NFIC: variants seen among roughly 807,000 people sequenced by gnomAD.
The protein encoded by NFIC is nuclear factor 1 C-type.
Under a neutral mutation model 54.4 loss-of-function variants are expected in NFIC, and 12 were observed. The observed-to-expected ratio is 0.22, with a 90% CI of 0.14 to 0.36. NFIC has a LOEUF of 0.36. NFIC is among the 10% of genes least tolerant of loss of function. NFIC has a pLI of 1.00. For synonymous variants in NFIC, 322 were observed against 319.2 expected (o/e 1.01, Z -0.09); for missense variants, 575 against 718.2 (o/e 0.80, Z 2.28).
At chr19:3,391,326 G>C (rs2081373432) in intron 2 of NFIC, among the ~76,000 whole-genome samples, 1 of 152,082 alleles carries the variant, frequency 6.6e-6, no homozygotes, top group African/African-American at 2.4e-5. Context: ...ATGTAGTTCT[G>C]GTTGTGAATA....
intron 3 of NFIC, among the ~76,000 whole-genome samples, chr19:3,429,362 T>A (rs968637877): frequency 1.3e-5 from 2 of 150,010 alleles, no homozygotes; most frequent in African/African-American, 4.9e-5. Flanking sequence ...GAGGATCGCC[T>A]GAGCCCAGGA....
chr19:3,363,871 C>T (rs114117863), upstream of NFIC, among the ~76,000 whole-genome samples: 2,342 of 152,328 alleles, frequency 0.015, 60 homozygotes, highest in African/African-American at 0.052. Flanking sequence ...ACCCAGAGAG[C>T]GATCCAGCCC....
rs748225387 is a variant in NFIC, at chr19:3,463,031, C to G, written c.*262C>G. 3.7e-6 allele frequency: 5 copies of G among 1,348,692 alleles called. No individual in the cohort carries two copies. Among genetic ancestry groups the G allele is most frequent in the Non-Finnish European group, 3.8e-6 (4 of 1,054,296 alleles). 83.5% of individuals were successfully genotyped at this position (1,348,692 alleles called of 1,614,324 possible). The stretch of plus-strand genomic sequence containing the variant: ...AGGTAAAGACGCAACGTTTCCAACT[C>G]TCGGGACGCCAAGGCCGCAGGACTG... On this transcript the variant is annotated 3_prime_UTR_variant, in exon 11 of 11. Coordinates refer to ENST00000443272, the MANE Select transcript of NFIC (RefSeq NM_001245002.2).
chr19:3,405,822 C>T (rs551222979), intron 2 of NFIC, among the ~76,000 whole-genome samples: 14 of 152,096 alleles, frequency 9.2e-5, no homozygotes, highest in Admixed American at 7.9e-4. Flanking sequence ...AGGCTGGTCT[C>T]GAACTCCTGA....
intron 3 of NFIC, among the ~76,000 whole-genome samples, chr19:3,429,479 T>TGAGGG (rs1239356811): frequency 6.6e-6 from 1 of 152,016 alleles, no homozygotes; most frequent in Non-Finnish European, 1.5e-5. Context: ...TAGTCCCAGC[T>TGAGGG]ACTTGGGAGG....
At chr19:3,419,544 G>C (rs923401642) in intron 2 of NFIC, among the ~76,000 whole-genome samples, 1 of 151,964 alleles carries the variant, frequency 6.6e-6, no homozygotes, top group African/African-American at 2.4e-5. Context: ...TGAGGCACGC[G>C]GATCACTTGA....
chr19:3,380,902 C>T (rs1406321356), intron 1 of NFIC, among the ~76,000 whole-genome samples: 1 of 152,152 alleles, frequency 6.6e-6, no homozygotes, highest in South Asian at 2.1e-4. Flanking sequence ...AGTCCTCCCT[C>T]CTCGGCCTCC....
intron 10 of NFIC, among the ~76,000 whole-genome samples, chr19:3,457,058 C>G (rs2121934260): frequency 6.6e-6 from 1 of 152,298 alleles, no homozygotes; most frequent in Non-Finnish European, 1.5e-5. Flanking sequence ...CCTAGAGGGA[C>G]CGCGGGGTGG....
Position 3,463,360 on chromosome 19 carries a change from C to T in NFIC, c.*591C>T. On this transcript the variant is annotated 3_prime_UTR_variant, in exon 11 of 11. Coordinates refer to ENST00000443272, the MANE Select transcript of NFIC (RefSeq NM_001245002.2). ...GGGGAAAGGGAGACACAGCGGACCC[C>T]GGCCGGGCAGCGGAGACCGCAGAGG... The T allele has an allele frequency of 2.4e-5, 24 of 986,230 alleles. No homozygotes were observed. Among genetic ancestry groups the T allele is most frequent in the Non-Finnish European group, 2.8e-5 (23 of 830,568 alleles). The allele number at this position is 986,230 out of a possible 1,614,324, so 61.1% of individuals were successfully genotyped here. A position where few individuals can be genotyped will look rare whatever the true frequency, so the allele number is the denominator to read the frequency against.
upstream of NFIC, among the ~76,000 whole-genome samples, chr19:3,365,790 C>A (rs2080871773): frequency 1.3e-5 from 2 of 152,146 alleles, no homozygotes; most frequent in African/African-American, 4.8e-5. Context: ...CCTCCCCTGC[C>A]CCTTGGGTGC....
At chr19:3,434,140 G>A in intron 4 of NFIC, 137 bp from the exon 5 acceptor site, 2 of 1,352,154 alleles carry the variant, frequency 1.5e-6, no homozygotes, top group South Asian at 2.9e-5. Context: ...ACTGGTTTCA[G>A]CCACCCTAGG....
chr19:3,436,855 C>G (rs2082211180), intron 6 of NFIC, among the ~76,000 whole-genome samples: 1 of 152,062 alleles, frequency 6.6e-6, no homozygotes, highest in Admixed American at 6.6e-5. Flanking sequence ...GGTTCAGATC[C>G]CAGCCCTGCC....
Position 3,433,425 on chromosome 19 carries a change from G to C in NFIC, c.635-93G>C, listed in dbSNP as rs528039009. The C allele has an allele frequency of 4.4e-6, 6 of 1,355,216 alleles. No homozygotes were observed. The South Asian group carries it at 4.7e-5, about 11-fold the overall frequency. 83.9% of individuals were successfully genotyped at this position (1,355,216 alleles called of 1,614,324 possible). On this transcript the variant is annotated intron_variant, in intron 3 of 10. Coordinates refer to ENST00000443272, the MANE Select transcript of NFIC (RefSeq NM_001245002.2). ...ATGGACAGGGGGAACGTCCAGGCTC[G>C]GGCCAGCCCCCAGGAGTCCAGGCAG... is the stretch of plus-strand genomic sequence containing the variant.
Position 3,370,563 on chromosome 19 carries a change from G to C in NFIC, c.30+3897G>C. 7.3e-6 allele frequency among the ~76,000 whole-genome samples: 1 copy of C among 136,606 alleles called. No homozygotes were observed. The allele number at this position is 136,606 out of a possible 152,430, so 89.6% of individuals were successfully genotyped here. Reference sequence around the variant, plus strand: ...CTCCTCTCTCCCTCTCTCCTTCTCTGTCTCCCTTTCCGTCTTTCCCTCTTC... The same window carrying C: ...CTCCTCTCTCCCTCTCTCCTTCTCTCTCTCCCTTTCCGTCTTTCCCTCTTC... On this transcript the variant is annotated intron_variant, in intron 1 of 10. Coordinates refer to ENST00000443272, the MANE Select transcript of NFIC (RefSeq NM_001245002.2). This position sits in a 1 kb window ranked among gnomAD's most constrained non-coding sequence, Gnocchi z 5.2.
intron 6 of NFIC, among the ~76,000 whole-genome samples, chr19:3,438,689 G>C (rs8104888): frequency 0.045 from 6,768 of 151,628 alleles, 548 homozygotes; most frequent in African/African-American, 0.15. Context: ...CGCCCATCTC[G>C]GCCTCCCAAA....
intron 1 of NFIC, among the ~76,000 whole-genome samples, chr19:3,380,778 C>T (rs1043228038): frequency 6.6e-6 from 1 of 151,982 alleles, no homozygotes; most frequent in Admixed American, 6.6e-5. Flanking sequence ...ACTACAGTTG[C>T]AAACCACCAT....
chr19:3,407,729 C>T (rs747469357), intron 2 of NFIC, among the ~76,000 whole-genome samples: 11 of 152,140 alleles, frequency 7.2e-5, no homozygotes, highest in South Asian at 2.1e-4. Flanking sequence ...CCACCGCGCC[C>T]GGGTGAACTT....
intron 1 of NFIC, among the ~76,000 whole-genome samples, chr19:3,377,333 CAAAAAAAAAAA>C (rs71164684): frequency 1.7e-5 from 1 of 57,864 alleles, no homozygotes; most frequent in Non-Finnish European, 2.9e-5. Flanking sequence ...GACTCTGTCT[CAAAAAAAAAAA>C]AAAAAAAAAA....
intron 1 of NFIC, 92 bp from the exon 2 acceptor site, chr19:3,381,620 A>G (rs1328752418): frequency 1.1e-5 from 17 of 1,497,226 alleles, no homozygotes; most frequent in South Asian, 2.6e-5. Flanking sequence ...GGGTCTGTTC[A>G]GGGCCCCTCC....
Sources: allele counts gnomAD v4.1 joint callset (sites outside exome capture counted in the v4.1 genomes callset), GRCh38; gene constraint gnomAD v4.1.1; non-coding constraint Gnocchi (gnomAD v3.1); transcripts MANE v1.5; gene names NCBI Gene and HGNC (gene_info 2026-07-23, HGNC 2026-07-21).